The following MAGI2 variants were observed in gnomAD, a reference collection of about 807,000 sequenced individuals.
The protein encoded by MAGI2 is membrane-associated guanylate kinase, WW and PDZ domain-containing protein 2.
In MAGI2, 35 loss-of-function variants were observed where a neutral mutation model predicts 133.3. The ratio of observed to expected loss-of-function variants is 0.26; its 90% CI spans 0.20 to 0.35. The LOEUF is 0.35. Ranked by LOEUF, MAGI2 falls within the 10% of genes least tolerant of loss-of-function variation. MAGI2 has a pLI of 1.00. For synonymous variants in MAGI2, 729 were observed against 710.6 expected, an observed-to-expected ratio of 1.03 and a Z score of -0.41; for missense variants, 1,636 against 1,863.4, an observed-to-expected ratio of 0.88 and a Z score of 2.25.
At chr7:78,094,585 C>T (rs1021386997) in intron 20 of MAGI2, among the ~76,000 whole-genome samples, 3 of 152,164 alleles carry the variant, frequency 2.0e-5, no homozygotes, top group Non-Finnish European at 4.4e-5. Flanking sequence ...AAAAACAATT[C>T]CACTGGCCTG....
At chr7:78,596,521 G>C (rs142236469) in intron 3 of MAGI2, among the ~76,000 whole-genome samples, 3 of 152,224 alleles carry the variant, frequency 2.0e-5, no homozygotes, top group African/African-American at 7.2e-5. Context: ...AGTTAGTAAT[G>C]AGTAAAACTA....
At chr7:78,817,764 C>T (rs192295712) in intron 2 of MAGI2, among the ~76,000 whole-genome samples, 42 of 151,102 alleles carry the variant, frequency 2.8e-4, no homozygotes, top group Non-Finnish European at 1.3e-4. Flanking sequence ...GGTTGGAGTG[C>T]TGTGGTGCGA....
intron 2 of MAGI2, among the ~76,000 whole-genome samples, chr7:78,937,043 T>G (rs867507697): frequency 1.3e-5 from 2 of 152,086 alleles, no homozygotes; most frequent in Middle Eastern, 6.8e-3. Context: ...GAACCAGGGT[T>G]CCTTAGAAAA....
chr7:78,400,696 G>A (rs533424025), intron 6 of MAGI2, among the ~76,000 whole-genome samples: 2 of 152,160 alleles, frequency 1.3e-5, no homozygotes, highest in Non-Finnish European at 2.9e-5. Flanking sequence ...AATGACATCC[G>A]GGTCCATCAT....
chr7:79,058,070 C>G (rs118039709), intron 1 of MAGI2, among the ~76,000 whole-genome samples: 2 of 149,760 alleles, frequency 1.3e-5, no homozygotes, highest in African/African-American at 2.5e-5. Context: ...TTGAGAAAAA[C>G]AAATGATAGA....
chr7:79,061,667 T>C (rs962136785), intron 1 of MAGI2, among the ~76,000 whole-genome samples: 6 of 152,240 alleles, frequency 3.9e-5, no homozygotes, highest in East Asian at 1.9e-4. Flanking sequence ...AGTTCTACTT[T>C]GTATGCCAAT....
chr7:78,947,378 T>C (rs1801505699), intron 2 of MAGI2, among the ~76,000 whole-genome samples: 1 of 152,100 alleles, frequency 6.6e-6, no homozygotes, highest in South Asian at 2.1e-4. Flanking sequence ...CTTAAAAACA[T>C]TACTTCTTGC....
intron 1 of MAGI2, among the ~76,000 whole-genome samples, chr7:79,426,334 CCTT>C (rs3051396): frequency 0.2 from 30,592 of 151,884 alleles, 4,408 homozygotes; most frequent in African/African-American, 0.41. Context: ...CTTCCTTTCT[CCTT>C]CTCCTACTTG....
intron 2 of MAGI2, among the ~76,000 whole-genome samples, chr7:78,671,794 C>T (rs148688253): frequency 2.6e-5 from 4 of 152,102 alleles, no homozygotes; most frequent in Non-Finnish European, 5.9e-5. Context: ...TTTACCAAGT[C>T]TGTGATTATT....
chr7:79,010,857 A>C (rs931184114), intron 1 of MAGI2: 1 of 152,132 alleles, frequency 6.6e-6, no homozygotes, highest in East Asian at 1.9e-4. Context: ...CTTTCAGTAA[A>C]TGAGAGAGCT....
intron 1 of MAGI2, among the ~76,000 whole-genome samples, chr7:79,021,409 T>G (rs901198596): frequency 6.6e-6 from 1 of 152,164 alleles, no homozygotes; most frequent in South Asian, 2.1e-4. Context: ...GCCTGTACCC[T>G]GAAAAGTCAC....
intron 9 of MAGI2, among the ~76,000 whole-genome samples, chr7:78,283,135 A>T (rs574574618): frequency 6.6e-6 from 1 of 152,026 alleles, no homozygotes; most frequent in Non-Finnish European, 1.5e-5. Context: ...GGGATTATGG[A>T]TTTCCTTTGA....
In MAGI2 at chr7:79,151,497, T is replaced by C. The variant is rs566043068; in HGVS notation, c.302-144291A>G. ...TTACATTAAATATTCTCAGAATCCCTGAGGGCACACAGGGAGAACTGGATG... is the reference window on the plus strand; with the variant it reads ...TTACATTAAATATTCTCAGAATCCCCGAGGGCACACAGGGAGAACTGGATG... On this transcript the variant is annotated intron_variant, in intron 1 of 21. Coordinates refer to ENST00000354212, the MANE Select transcript of MAGI2 (RefSeq NM_012301.4). Among the ~76,000 whole-genome samples the C allele has an allele frequency of 1.8e-3, 281 of 152,290 alleles. 1 individual carries two copies. Among genetic ancestry groups the C allele is most frequent in the Admixed American group, 5.2e-3 (80 of 15,292 alleles).
At chr7:78,212,120 T>C (rs1000009324) in intron 10 of MAGI2, among the ~76,000 whole-genome samples, 2 of 152,232 alleles carry the variant, frequency 1.3e-5, no homozygotes, top group African/African-American at 4.8e-5. Context: ...CTTGCTACAG[T>C]TCGTTTTATA....
chr7:78,927,294 T>G (rs1799779508), intron 2 of MAGI2, among the ~76,000 whole-genome samples: 1 of 151,964 alleles, frequency 6.6e-6, no homozygotes, highest in Non-Finnish European at 1.5e-5. Context: ...ACTGATTTAG[T>G]AAAATCAAAA....
At chr7:78,253,216 A>G (rs1197490827) in intron 10 of MAGI2, 1 of 152,230 alleles carries the variant, frequency 6.6e-6, no homozygotes, top group Non-Finnish European at 1.5e-5. Flanking sequence ...GTGTATCTGT[A>G]CAATGGAATA....
intron 1 of MAGI2, among the ~76,000 whole-genome samples, chr7:79,280,774 A>AC (rs966005998): frequency 2.0e-5 from 3 of 151,642 alleles, no homozygotes; most frequent in African/African-American, 7.3e-5. Context: ...AATTTTACAA[A>AC]CATAGCCAGG....
intron 1 of MAGI2, among the ~76,000 whole-genome samples, chr7:79,425,430 C>G (rs1000887135): frequency 6.6e-6 from 1 of 151,742 alleles, no homozygotes; most frequent in South Asian, 2.1e-4. Context: ...AGTCCTGGAC[C>G]ACCTGTGTGC....
chr7:79,325,206 A>G, intron 1 of MAGI2, among the ~76,000 whole-genome samples: 1 of 151,972 alleles, frequency 6.6e-6, no homozygotes, highest in East Asian at 1.9e-4. Context: ...TACAACATAG[A>G]CTTTAGCATG....
Sources: allele counts gnomAD v4.1 joint callset (sites outside exome capture counted in the v4.1 genomes callset), GRCh38; gene constraint gnomAD v4.1.1; transcripts MANE v1.5; gene names NCBI Gene and HGNC (gene_info 2026-07-23, HGNC 2026-07-21).